Variants in WWOX observed in about 807,000 individuals in gnomAD.
WWOX encodes WW domain-containing oxidoreductase.
WWOX carries 69 observed loss-of-function variants against 46.2 expected under a neutral mutation model. That is an observed-to-expected ratio of 1.49 (90% CI 1.23 to 1.82). The LOEUF (loss-of-function observed/expected upper bound fraction) is 1.82, where lower values mean the gene tolerates loss of function less well. Among genes scored for constraint, WWOX ranks in the 40% most tolerant of loss-of-function variants. The probability of loss-of-function intolerance (pLI) is 0.00; values close to 1 mark genes in which losing one functional copy is unlikely to be tolerated. For synonymous variants in WWOX, 359 were observed against 202.6 expected (o/e 1.77, Z -6.56); for missense variants, 919 against 542.6 (o/e 1.69, Z -6.89).
chr16:78,827,060 G>C (rs1053791004), intron 8 of WWOX, among the ~76,000 whole-genome samples: 4 of 152,076 alleles, frequency 2.6e-5, no homozygotes, highest in African/African-American at 9.7e-5. Flanking sequence ...GGGAACCAGA[G>C]AGCTTTGATC....
chr16:78,917,075 C>A (rs1049046207), intron 8 of WWOX, among the ~76,000 whole-genome samples: 1 of 152,170 alleles, frequency 6.6e-6, no homozygotes, highest in Non-Finnish European at 1.5e-5. Context: ...TTTCCAGATT[C>A]AATATAGTAG....
At chr16:78,225,280 A>G (rs1296026674) in intron 5 of WWOX, among the ~76,000 whole-genome samples, 3 of 152,220 alleles carry the variant, frequency 2.0e-5, no homozygotes, top group Non-Finnish European at 4.4e-5. Flanking sequence ...CTAAACATAG[A>G]AAAGGTACAG....
intron 6 of WWOX, among the ~76,000 whole-genome samples, chr16:78,388,337 C>T (rs368941531): frequency 3.3e-5 from 5 of 152,266 alleles, no homozygotes; most frequent in East Asian, 1.9e-4. Context: ...AGCCGCTCTA[C>T]TTTATTAGAT....
At chr16:78,662,429 G>A (rs1410524984) in intron 8 of WWOX, among the ~76,000 whole-genome samples, 1 of 152,092 alleles carries the variant, frequency 6.6e-6, no homozygotes, top group African/African-American at 2.4e-5. Context: ...CTAGCTTTAT[G>A]TGGAGAAAAC....
chr16:78,596,385 A>G (rs972366404), intron 8 of WWOX, among the ~76,000 whole-genome samples: 2 of 152,104 alleles, frequency 1.3e-5, no homozygotes, highest in African/African-American at 2.4e-5. Context: ...GGGAAGGTGT[A>G]CATCAGTGAA....
chr16:78,826,063 A>T (rs1479985780), intron 8 of WWOX: 5 of 412,386 alleles, frequency 1.2e-5, no homozygotes, highest in Non-Finnish European at 4.4e-6. Context: ...AAAGACATTT[A>T]ATAAAATATT....
intron 5 of WWOX, among the ~76,000 whole-genome samples, chr16:78,312,096 T>G (rs971686664): frequency 6.6e-6 from 1 of 152,178 alleles, no homozygotes; most frequent in Non-Finnish European, 1.5e-5. Flanking sequence ...TCTTTGTCTT[T>G]TGCCTCCTCC....
At chr16:78,626,174 A>C (rs1442326698) in intron 8 of WWOX, among the ~76,000 whole-genome samples, 25 of 151,676 alleles carry the variant, frequency 1.6e-4, no homozygotes, top group Non-Finnish European at 1.5e-4. Flanking sequence ...TCTTTTGCCC[A>C]GGATGGAGTG....
chr16:78,638,228 C>T (rs1013249459), intron 8 of WWOX, among the ~76,000 whole-genome samples: 3 of 152,296 alleles, frequency 2.0e-5, no homozygotes, highest in Admixed American at 6.5e-5. Flanking sequence ...GACAAGCCAA[C>T]GAAGGCTTGG....
At chr16:79,107,761 A>G (rs1173163950) in intron 8 of WWOX, among the ~76,000 whole-genome samples, 2 of 152,218 alleles carry the variant, frequency 1.3e-5, no homozygotes, top group African/African-American at 4.8e-5. Context: ...CAAGGAAATC[A>G]TTAGGTGCTA....
At chr16:78,684,773 G>A (rs1187539336) in intron 8 of WWOX, among the ~76,000 whole-genome samples, 2 of 152,198 alleles carry the variant, frequency 1.3e-5, no homozygotes, top group African/African-American at 2.4e-5. Flanking sequence ...CACCATAGTT[G>A]TCACCTAGTT....
chr16:78,638,158 C>T (rs1212912277), intron 8 of WWOX, among the ~76,000 whole-genome samples: 1 of 152,150 alleles, frequency 6.6e-6, no homozygotes, highest in Non-Finnish European at 1.5e-5. Flanking sequence ...TTTCCCATGG[C>T]AATTATTTTA....
chr16:79,182,001 C>A (rs1776896550), intron 8 of WWOX, among the ~76,000 whole-genome samples: 1 of 152,288 alleles, frequency 6.6e-6, no homozygotes, highest in Non-Finnish European at 1.5e-5. Flanking sequence ...AATCCCGGGG[C>A]AGTTTGTGGA....
chr16:78,164,135 C>G, intron 4 of WWOX, 48 bp from the exon 5 acceptor site: 1 of 1,529,138 alleles, frequency 6.5e-7, no homozygotes, highest in Non-Finnish European at 9.0e-7. Context: ...ACATGACTCA[C>G]TGTGTTGATG....
intron 8 of WWOX, among the ~76,000 whole-genome samples, chr16:79,003,226 T>C (rs886448389): frequency 6.6e-6 from 1 of 152,232 alleles, no homozygotes; most frequent in African/African-American, 2.4e-5. Flanking sequence ...AAGCTGCTTG[T>C]AATTTATGAT....
intron 8 of WWOX, among the ~76,000 whole-genome samples, chr16:78,906,166 A>G (rs1344390145): frequency 6.6e-6 from 1 of 152,176 alleles, no homozygotes; most frequent in African/African-American, 2.4e-5. Flanking sequence ...AACCTCAGCC[A>G]TCTAGGGACA....
intron 5 of WWOX, among the ~76,000 whole-genome samples, chr16:78,316,383 T>C (rs112972309): frequency 0.021 from 3,219 of 152,132 alleles, 104 homozygotes; most frequent in African/African-American, 0.072. Context: ...TCTTGTCACC[T>C]GGGCTGGGGT....
intron 8 of WWOX, among the ~76,000 whole-genome samples, chr16:79,083,299 C>G (rs544981129): frequency 1.3e-5 from 2 of 152,250 alleles, no homozygotes; most frequent in Admixed American, 1.3e-4. Flanking sequence ...ATATTAAGAG[C>G]CAGTGTGTGG....
At chr16:78,987,914 T>A (rs963868055) in intron 8 of WWOX, among the ~76,000 whole-genome samples, 11 of 152,212 alleles carry the variant, frequency 7.2e-5, no homozygotes, top group African/African-American at 2.4e-4. Context: ...GGTCTCGTCA[T>A]GTCCCTTCTG....
Sources: gnomAD v4.1 joint callset for allele counts (sites outside exome capture counted in the v4.1 genomes callset) on GRCh38, gnomAD v4.1.1 for gene constraint, MANE v1.5 for transcripts, NCBI Gene and HGNC (gene_info 2026-07-23, HGNC 2026-07-21) for gene names.